DEFB124: variants seen among roughly 807,000 people sequenced by gnomAD.
DEFB124 encodes the protein beta-defensin 124.
For synonymous variants in DEFB124, 38 were observed against 36.5 expected, an observed-to-expected ratio of 1.04 and a Z score of -0.15; for missense variants, 78 against 83.1, an observed-to-expected ratio of 0.94 and a Z score of 0.24.
chr20:31,474,946 G>C lies in DEFB124; in HGVS notation c.-345C>G, dbSNP rs1416808730. ...CCGTGGAATCCGCCTCTCTTGGAAG[G>C]CGGGACCTGAAAATTTAGCAAGTTC... On this transcript the variant is annotated 5_prime_UTR_variant, in exon 1 of 3. Coordinates refer to ENST00000317676, the MANE Select transcript of DEFB124 (RefSeq NM_001037500.2). Among the ~76,000 whole-genome samples the C allele has an allele frequency of 6.6e-6, 1 of 152,192 alleles. No individual in the cohort carries two copies. Among genetic ancestry groups the C allele is most frequent in the Non-Finnish European group, 1.5e-5 (1 of 68,034 alleles).
chr20:31,473,551 C>T (rs1173418726), intron 1 of DEFB124, among the ~76,000 whole-genome samples: 1 of 152,068 alleles, frequency 6.6e-6, no homozygotes, highest in Non-Finnish European at 1.5e-5. Context: ...ATTTAGGGGA[C>T]TAAATGAAGT....
intron 2 of DEFB124, among the ~76,000 whole-genome samples, chr20:31,470,849 C>T (rs1980253928): frequency 1.4e-5 from 2 of 144,562 alleles, no homozygotes; most frequent in Non-Finnish European, 3.1e-5. Context: ...CCCCACCTCC[C>T]TCCCGGACGG....
intron 1 of DEFB124, among the ~76,000 whole-genome samples, 137 bp downstream of exon 1, chr20:31,474,490 C>G (rs1444473297): frequency 2.0e-5 from 3 of 152,212 alleles, no homozygotes; most frequent in African/African-American, 7.2e-5. Flanking sequence ...CAGGTGCAGC[C>G]TGGTCTCCAT....
chr20:31,470,390 C>T (rs1980215463), intron 2 of DEFB124, among the ~76,000 whole-genome samples: 1 of 143,688 alleles, frequency 7.0e-6, no homozygotes, highest in South Asian at 2.2e-4. Flanking sequence ...GCTGACCCCC[C>T]CACCTCCCTC....
At chr20:31,472,747 T>G in intron 2 of DEFB124, 1 of 472,408 alleles carries the variant, frequency 2.1e-6, no homozygotes, top group Non-Finnish European at 3.7e-6. Flanking sequence ...TGAATATTTA[T>G]TGAGAGAATC....
intron 2 of DEFB124, among the ~76,000 whole-genome samples, chr20:31,470,800 C>T (rs1185091544): frequency 1.8e-3 from 207 of 117,942 alleles, no homozygotes; most frequent in Middle Eastern, 8.9e-3. Context: ...CGCCCCTCAC[C>T]TCCCGGACGG....
chr20:31,472,831 G>C, intron 2 of DEFB124, 125 bp downstream of exon 2: 4 of 1,243,708 alleles, frequency 3.2e-6, no homozygotes, highest in Non-Finnish European at 4.3e-6. Flanking sequence ...CAAGTCAGTG[G>C]TGGGGCCAGA....
intron 2 of DEFB124, among the ~76,000 whole-genome samples, chr20:31,470,325 C>T (rs1980210040): frequency 1.4e-5 from 2 of 140,546 alleles, no homozygotes; most frequent in African/African-American, 5.4e-5. Flanking sequence ...CCAGTAGGGG[C>T]GGCCGGGCAG....
chr20:31,473,863 G>A (rs1057222896), intron 1 of DEFB124, among the ~76,000 whole-genome samples: 1 of 152,206 alleles, frequency 6.6e-6, no homozygotes, highest in Non-Finnish European at 1.5e-5. Context: ...CCCTCCAAGT[G>A]ATTCTAACAC....
At chr20:31,468,352 C>T (rs966770044) in intron 2 of DEFB124, among the ~76,000 whole-genome samples, 1 of 152,026 alleles carries the variant, frequency 6.6e-6, no homozygotes, top group Admixed American at 6.5e-5. Flanking sequence ...AAAATAAGAT[C>T]GCTGGAATTT....
Position 31,472,967 on chromosome 20 carries a change from T to TG in DEFB124, c.46dup (p.His16ProfsTer8), listed in dbSNP as rs1568759231. On this transcript the variant is annotated frameshift_variant, in exon 2 of 3. Coordinates refer to ENST00000317676, the MANE Select transcript of DEFB124 (RefSeq NM_001037500.2). LOFTEE classifies it low-confidence loss of function (END_TRUNC). ...CACGATGTTGTTACCTGATGGCACA[T>TG]GACCCAGAACCAGGAGAGCCACAAG... The TG allele has an allele frequency of 6.2e-7, 1 of 1,613,862 alleles. No individual in the cohort carries two copies. Among genetic ancestry groups the TG allele is most frequent in the Non-Finnish European group, 8.5e-7 (1 of 1,179,996 alleles).
At chr20:31,471,654 C>A in intron 2 of DEFB124, among the ~76,000 whole-genome samples, 2 of 144,106 alleles carry the variant, frequency 1.4e-5, no homozygotes, top group African/African-American at 5.4e-5. Flanking sequence ...GACGGGGCAG[C>A]TGCCGGGCGG....
At chr20:31,472,418 A>G (rs1600570310) in intron 2 of DEFB124, among the ~76,000 whole-genome samples, 1 of 121,328 alleles carries the variant, frequency 8.2e-6, no homozygotes, top group Admixed American at 9.2e-5. Flanking sequence ...GGAGACCGAG[A>G]GGGAGAGGGG....
chr20:31,470,348 C>T (rs569209716), intron 2 of DEFB124, among the ~76,000 whole-genome samples: 1 of 139,682 alleles, frequency 7.2e-6, no homozygotes, highest in Non-Finnish European at 1.6e-5. Flanking sequence ...GCGCCCCTCA[C>T]CCCCCGGACG....
intron 2 of DEFB124, among the ~76,000 whole-genome samples, chr20:31,466,606 A>AAT (rs369305241): frequency 0.011 from 1,359 of 120,476 alleles, 74 homozygotes; most frequent in African/African-American, 0.017. Flanking sequence ...TCTCAAAAAG[A>AAT]ATATATATAT....
intron 2 of DEFB124, among the ~76,000 whole-genome samples, chr20:31,466,019 T>G (rs1980075316): frequency 6.6e-6 from 1 of 151,776 alleles, no homozygotes; most frequent in African/African-American, 2.4e-5. Flanking sequence ...TAGCCGGGTG[T>G]GGTGGCAGGT....
intron 2 of DEFB124, among the ~76,000 whole-genome samples, chr20:31,471,146 C>A (rs1980278458): frequency 7.4e-6 from 1 of 136,046 alleles, no homozygotes; most frequent in African/African-American, 2.7e-5. Context: ...TTGACCCCCC[C>A]ACCTCCCTCC....
chr20:31,472,308 C>T (rs1430834119), intron 2 of DEFB124, among the ~76,000 whole-genome samples: 1 of 152,136 alleles, frequency 6.6e-6, no homozygotes, highest in African/African-American at 2.4e-5. Context: ...CAGGCTGAGG[C>T]AGGAGAATCA....
chr20:31,468,601 G>A (rs924656720), intron 2 of DEFB124, among the ~76,000 whole-genome samples: 6 of 151,504 alleles, frequency 4.0e-5, no homozygotes, highest in East Asian at 1.9e-4. Flanking sequence ...TCAGCCTCCC[G>A]AGTAGCTGGG....
Sources: gnomAD v4.1 joint callset for allele counts (sites outside exome capture counted in the v4.1 genomes callset) on GRCh38, gnomAD v4.1.1 for gene constraint, MANE v1.5 for transcripts, NCBI Gene and HGNC (gene_info 2026-07-23, HGNC 2026-07-21) for gene names.